SLC8A1: variants seen among roughly 807,000 people sequenced by gnomAD.
SLC8A1 encodes solute carrier family 8 member A1.
SLC8A1 carries 18 observed loss-of-function variants against 68.3 expected under a neutral mutation model. The observed-to-expected ratio is 0.26, with a 90% confidence interval of 0.18 to 0.39. The LOEUF (loss-of-function observed/expected upper bound fraction) is 0.39. Among genes scored for constraint, SLC8A1 ranks in the 10% least tolerant of loss-of-function variants. The pLI is 1.00. For missense variants in SLC8A1, 985 were observed against 1,156.7 expected (o/e 0.85, Z 2.15); for synonymous variants, 475 against 415.5 (o/e 1.14, Z -1.74).
chr2:40,172,671 G>A (rs532803284), intron 4 of SLC8A1, among the ~76,000 whole-genome samples: 18 of 152,218 alleles, frequency 1.2e-4, no homozygotes, highest in South Asian at 8.3e-4. Flanking sequence ...GGCCAGGTGC[G>A]GTGGCTCACG....
exon 2 of SLC8A1, chr2:40,429,974 T>C: frequency 1.9e-6 from 3 of 1,613,812 alleles, no homozygotes; most frequent in Non-Finnish European, 2.5e-6. Context: ...ATGACTTCTA[T>C]AGAGGACATG....
At chr2:40,156,388 T>C (rs1410611695) in intron 6 of SLC8A1, among the ~76,000 whole-genome samples, 2 of 144,506 alleles carry the variant, frequency 1.4e-5, no homozygotes, top group Non-Finnish European at 3.0e-5. Context: ...CACTTTTGAG[T>C]ATTCTTTCGT....
intron 2 of SLC8A1, among the ~76,000 whole-genome samples, chr2:40,415,857 TATACACACAC>T (rs1161169045): frequency 2.0e-5 from 2 of 101,748 alleles, no homozygotes; most frequent in African/African-American, 4.2e-5. Context: ...CTACTAAAAG[TATACACACAC>T]ACACACACAC....
intron 4 of SLC8A1, among the ~76,000 whole-genome samples, chr2:40,172,259 G>C (rs2047629909): frequency 6.6e-6 from 1 of 152,312 alleles, no homozygotes; most frequent in African/African-American, 2.4e-5. Context: ...AGGAAAAGAA[G>C]GGTCATGTAA....
chr2:40,325,672 G>A (rs369734117), intron 2 of SLC8A1, among the ~76,000 whole-genome samples: 1 of 149,078 alleles, frequency 6.7e-6, no homozygotes, highest in Non-Finnish European at 1.5e-5. Flanking sequence ...CCGGGCGCAC[G>A]CCTGTAATCT....
intron 2 of SLC8A1, among the ~76,000 whole-genome samples, chr2:40,357,850 C>A (rs1203896888): frequency 6.6e-6 from 1 of 152,034 alleles, no homozygotes; most frequent in East Asian, 1.9e-4. Flanking sequence ...CTTCTCTCTC[C>A]CCCTTTTCAT....
chr2:40,238,282 G>T (rs2060705610), intron 2 of SLC8A1, among the ~76,000 whole-genome samples: 2 of 152,212 alleles, frequency 1.3e-5, no homozygotes, highest in Non-Finnish European at 2.9e-5. Flanking sequence ...GACCCTCCCA[G>T]CCAGGTGCGG....
chr2:40,487,526 T>A (rs936558234), intron 1 of SLC8A1, among the ~76,000 whole-genome samples: 1 of 152,196 alleles, frequency 6.6e-6, no homozygotes, highest in African/African-American at 2.4e-5. Context: ...AAAGCAATTT[T>A]ATCAAAGTGG....
At chr2:40,144,226 C>T (rs1573092217) in intron 6 of SLC8A1, among the ~76,000 whole-genome samples, 1 of 152,114 alleles carries the variant, frequency 6.6e-6, no homozygotes, top group Non-Finnish European at 1.5e-5. Context: ...AAGAAAGAAA[C>T]AGGAAGGGAA....
At chr2:40,157,607 C>T (rs113502576) in intron 6 of SLC8A1, among the ~76,000 whole-genome samples, 4 of 152,268 alleles carry the variant, frequency 2.6e-5, no homozygotes, top group Admixed American at 6.5e-5. Flanking sequence ...TTTTTAGAGT[C>T]GACTCACCAT....
chr2:40,491,623 G>A (rs1348032547), intron 1 of SLC8A1, among the ~76,000 whole-genome samples: 1 of 152,084 alleles, frequency 6.6e-6, no homozygotes, highest in Non-Finnish European at 1.5e-5. Context: ...CTGTGGGTTT[G>A]CAATAGATAG....
At chr2:40,105,485 AATT>A (rs1387483921) in exon 8 of SLC8A1, 10 of 152,328 alleles carry the variant, frequency 6.6e-5, no homozygotes, top group Admixed American at 6.5e-4. Context: ...GTGATTAAGC[AATT>A]ATTATTTTCA....
At chr2:40,142,699 C>T (rs926223102) in intron 6 of SLC8A1, among the ~76,000 whole-genome samples, 11 of 152,152 alleles carry the variant, frequency 7.2e-5, no homozygotes, top group African/African-American at 2.2e-4. Flanking sequence ...ACACCTTTCC[C>T]GTGAGAGATG....
intron 2 of SLC8A1, among the ~76,000 whole-genome samples, chr2:40,390,323 T>C (rs116530107): frequency 0.018 from 2,666 of 152,164 alleles, 41 homozygotes; most frequent in African/African-American, 0.046. Flanking sequence ...TTTTTAACTT[T>C]CAATTGTGGA....
chr2:40,141,132 C>G (rs763319234), intron 6 of SLC8A1, among the ~76,000 whole-genome samples: 1 of 152,120 alleles, frequency 6.6e-6, no homozygotes, highest in Non-Finnish European at 1.5e-5. Context: ...TACTTGGTCC[C>G]ACTAGTGCAG....
At chr2:40,125,135 G>A (rs552125180) in intron 7 of SLC8A1, among the ~76,000 whole-genome samples, 3 of 152,280 alleles carry the variant, frequency 2.0e-5, no homozygotes, top group African/African-American at 4.8e-5. Context: ...TTTAAATAGA[G>A]TCTCTCTGGG....
chr2:40,231,717 AG>A (rs2059672096), intron 2 of SLC8A1, among the ~76,000 whole-genome samples: 1 of 152,094 alleles, frequency 6.6e-6, no homozygotes. Flanking sequence ...CAAACTCCTC[AG>A]GTTAAGCTGC....
At position 40,289,384 on chromosome 2, in the gene SLC8A1, T is replaced by C. The variant is rs145878153; in HGVS notation, c.1809-111529A>G. Reference sequence around the variant, plus strand: ...TCAGGTTACAAATGTGATTTCACATTTGGGAGTTGTGAGAGAAACGAAAAG... The same window carrying C: ...TCAGGTTACAAATGTGATTTCACATCTGGGAGTTGTGAGAGAAACGAAAAG... On this transcript the variant is annotated intron_variant, in intron 2 of 7. Transcript: ENST00000406785. 5.8e-3 allele frequency among the ~76,000 whole-genome samples: 884 copies of C among 152,230 alleles called. 8 individuals carry two copies. The highest frequency in any genetic ancestry group is 0.02 in the African/African-American group (830 of 41,538).
intron 1 of SLC8A1, among the ~76,000 whole-genome samples, chr2:40,494,683 A>ATATATATC (rs1553625465): frequency 5.2e-5 from 6 of 116,158 alleles, no homozygotes; most frequent in Admixed American, 9.2e-5. Flanking sequence ...ATATATATAT[A>ATATATATC]TCCAAATGGA....
Sources: allele counts gnomAD v4.1 joint callset (sites outside exome capture counted in the v4.1 genomes callset), GRCh38; gene constraint gnomAD v4.1.1; transcripts MANE v1.5; gene names NCBI Gene and HGNC (gene_info 2026-07-23, HGNC 2026-07-21).